Variants in MYL1 observed in about 807,000 individuals in gnomAD.
MYL1 encodes myosin light chain 1, also known as myosin light chain 1/3, skeletal muscle isoform.
In MYL1, 16 loss-of-function variants were observed where a neutral mutation model predicts 21.8. That is an observed-to-expected ratio of 0.74 (90% confidence interval 0.50 to 1.12). MYL1 has a LOEUF of 1.12. Among genes scored for constraint, MYL1 ranks in the 50% most tolerant of loss-of-function variants. The pLI, the probability that MYL1 is intolerant of heterozygous loss-of-function variation, is 0.00. For missense variants in MYL1, 246 were observed against 241.0 expected (o/e 1.02, Z -0.14); for synonymous variants, 99 against 85.2 (o/e 1.16, Z -0.89).
chr2:210,296,430 G>C (rs6735154), intron 3 of MYL1, among the ~76,000 whole-genome samples: 72,099 of 151,966 alleles, frequency 0.47, 17,201 homozygotes, highest in Middle Eastern at 0.62. Flanking sequence ...CTCTGGCTAT[G>C]TCTTATTCCC....
In MYL1 at chr2:210,294,249, GGTGGCTA is replaced by G. The variant is rs754858934; in HGVS notation, c.467_473del (p.Leu156ProfsTer6). On this transcript the variant is annotated frameshift_variant, in exon 4 of 7. Coordinates refer to ENST00000352451, the MANE Select transcript of MYL1 (RefSeq NM_079420.3). LOFTEE classifies it high-confidence loss of function. ...CACTGAAATAAATTCCCTTACCCAG[GGTGGCTA>G]GAACATGGCGGAGTTCAGCACCCAT... 5 of 1,608,540 alleles carry G rather than the reference GGTGGCTA, an allele frequency of 3.1e-6. No individual in the cohort carries two copies. The South Asian group carries it at 5.6e-5, about 18-fold the overall frequency.
chr2:210,298,357 C>CACACAT, intron 3 of MYL1, 63 bp downstream of exon 3: 1 of 1,574,772 alleles, frequency 6.4e-7, no homozygotes, highest in Non-Finnish European at 8.7e-7. Flanking sequence ...CACACACACA[C>CACACAT]ACACACACAC....
chr2:210,312,167 A>G (rs1414998637), intron 1 of MYL1, among the ~76,000 whole-genome samples: 3 of 151,986 alleles, frequency 2.0e-5, no homozygotes, highest in African/African-American at 7.2e-5. Flanking sequence ...ATTAGCTGGG[A>G]ATACTATGGA....
intron 1 of MYL1, among the ~76,000 whole-genome samples, chr2:210,310,592 G>A (rs548592327): frequency 2.0e-5 from 3 of 152,012 alleles, no homozygotes; most frequent in Admixed American, 6.6e-5. Flanking sequence ...ATAGGAAGAC[G>A]GAACAAAATG....
intron 3 of MYL1, among the ~76,000 whole-genome samples, chr2:210,294,727 G>A (rs538378363): frequency 6.6e-6 from 1 of 152,154 alleles, no homozygotes; most frequent in South Asian, 2.1e-4. Flanking sequence ...AGAACTAAAT[G>A]AGCTAATGAA....
chr2:210,307,814 A>G (rs897690709), intron 1 of MYL1, among the ~76,000 whole-genome samples: 12 of 152,340 alleles, frequency 7.9e-5, no homozygotes, highest in African/African-American at 2.6e-4. Context: ...ATTAAACATC[A>G]GATAATGTAT....
intron 5 of MYL1, among the ~76,000 whole-genome samples, chr2:210,291,717 A>G (rs1469492429): frequency 6.6e-6 from 1 of 152,210 alleles, no homozygotes; most frequent in Non-Finnish European, 1.5e-5. Flanking sequence ...TCACATTGAT[A>G]CATTGATAGA....
chr2:210,306,991 T>A lies in MYL1; in HGVS notation c.133-4476A>T, dbSNP rs571293183. 5.3e-5 allele frequency among the ~76,000 whole-genome samples: 8 copies of A among 152,300 alleles called. No individual in the cohort carries two copies. The South Asian group carries it at 1.7e-3, about 32-fold the overall frequency. On this transcript the variant is annotated intron_variant, in intron 1 of 6. Coordinates refer to ENST00000352451, the MANE Select transcript of MYL1 (RefSeq NM_079420.3). ...TCAGTTCTCTATGTCATCAATTAGT[T>A]TTAAAGATCAGATTTACCTTTCTTC...
At position 210,314,944 on chromosome 2, in the gene MYL1, G is replaced by C. The variant is rs1575708708; in HGVS notation, c.99C>G (p.Pro33=). The C allele has an allele frequency of 6.2e-7, 1 of 1,613,756 alleles. No individual in the cohort carries two copies. The highest frequency in any genetic ancestry group is 1.3e-5 in the African/African-American group (1 of 74,984). ...CAGAGAGGTCAATTTTTTCTTCTTT[G>C]GGTTTGGCTGGGGCAGGGGCAGGTG... The part of the protein sequence containing the change: ...APAPAPAPAK[P]KEEKIDLSAI... The change falls in exon 1 of 7, where the codon CCC becomes CCG. Residue 33 remains proline, a synonymous_variant. Transcript: ENST00000352451.
chr2:210,307,150 T>C (rs1164607506), intron 1 of MYL1, among the ~76,000 whole-genome samples: 2 of 152,252 alleles, frequency 1.3e-5, no homozygotes, highest in East Asian at 3.9e-4. Context: ...CAGCTCTTCA[T>C]CCCACTGAAA....
At chr2:210,293,250 GCTGA>G (rs1483738966) in intron 5 of MYL1, among the ~76,000 whole-genome samples, 2 of 152,130 alleles carry the variant, frequency 1.3e-5, no homozygotes, top group Non-Finnish European at 2.9e-5. Flanking sequence ...GCAACTGTGG[GCTGA>G]CTTTCATGTA....
intron 1 of MYL1, among the ~76,000 whole-genome samples, chr2:210,307,315 T>A (rs1236652605): frequency 6.6e-6 from 1 of 152,180 alleles, no homozygotes; most frequent in Non-Finnish European, 1.5e-5. Flanking sequence ...TGTAACTCTC[T>A]ATAGAATACC....
In MYL1 at chr2:210,303,675, G is replaced by A. The variant is rs922986071; in HGVS notation, c.133-1160C>T. The A allele has an allele frequency of 5.8e-6, 8 of 1,368,746 alleles. No homozygotes were observed. In the African/African-American group the frequency reaches 7.4e-5, roughly 13 times the overall value. The allele number at this position is 1,368,746 out of a possible 1,614,324, so 84.8% of individuals were successfully genotyped here. ...TGGGCAAGCTTTGACCTCACAGCTA[G>A]CATCAGGTTTCAGAGATAAGTTGCC... is the stretch of plus-strand genomic sequence containing the variant. On this transcript the variant is annotated intron_variant, in intron 1 of 6. Transcript: ENST00000352451.
At chr2:210,301,811 G>T (rs541582553) in intron 2 of MYL1, among the ~76,000 whole-genome samples, 1 of 152,130 alleles carries the variant, frequency 6.6e-6, no homozygotes, top group South Asian at 2.1e-4. Context: ...CTCCTAGCTA[G>T]TAATTGTTTT....
chr2:210,302,606 T>A, intron 1 of MYL1, 91 bp from the exon 2 acceptor site: 1 of 1,521,558 alleles, frequency 6.6e-7, no homozygotes, highest in Non-Finnish European at 8.9e-7. Context: ...CTGAGTAATC[T>A]TCAAAGTAAG....
At chr2:210,291,976 CT>C (rs1690082657) in intron 5 of MYL1, among the ~76,000 whole-genome samples, 1 of 152,144 alleles carries the variant, frequency 6.6e-6, no homozygotes, top group Non-Finnish European at 1.5e-5. Context: ...ATGAAATTGC[CT>C]GTTTCCACAC....
intron 1 of MYL1, among the ~76,000 whole-genome samples, chr2:210,313,089 T>A (rs1245692936): frequency 2.6e-5 from 4 of 151,960 alleles, no homozygotes; most frequent in Non-Finnish European, 5.9e-5. Context: ...AGAAAAGAGA[T>A]GTTTTGTCTT....
intron 4 of MYL1, 40 bp from the exon 5 acceptor site, chr2:210,293,840 T>A: frequency 6.3e-7 from 1 of 1,589,858 alleles, no homozygotes; most frequent in Non-Finnish European, 8.6e-7. Context: ...GAAGGCCATG[T>A]GTTATTTTCA....
At chr2:210,309,910 C>T (rs971175100) in intron 1 of MYL1, among the ~76,000 whole-genome samples, 1 of 152,038 alleles carries the variant, frequency 6.6e-6, no homozygotes, top group Non-Finnish European at 1.5e-5. Flanking sequence ...TTCAAAGCTG[C>T]ATTTTCCTTT....
Sources: allele counts gnomAD v4.1 joint callset (sites outside exome capture counted in the v4.1 genomes callset), GRCh38; gene constraint gnomAD v4.1.1; transcripts MANE v1.5; gene names NCBI Gene and HGNC (gene_info 2026-07-23, HGNC 2026-07-21).